LRP2: variants seen among roughly 807,000 people sequenced by gnomAD.
LRP2 encodes low-density lipoprotein receptor-related protein 2.
Under a neutral mutation model 531.0 loss-of-function variants are expected in LRP2, and 172 were observed. That is an observed-to-expected ratio of 0.32 (90% CI 0.29 to 0.37). The LOEUF (loss-of-function observed/expected upper bound fraction) is 0.37, where lower values mean the gene tolerates loss of function less well. Among genes scored for constraint, LRP2 ranks in the 10% least tolerant of loss-of-function variants. LRP2 has a pLI of 1.00. For synonymous variants in LRP2, 1,992 were observed against 2,027.6 expected, an observed-to-expected ratio of 0.98 and a Z score of 0.47; for missense variants, 5,167 against 5,868.3, an observed-to-expected ratio of 0.88 and a Z score of 3.90.
chr2:169,145,759 A>G lies in LRP2; in HGVS notation c.12976T>C (p.Tyr4326His). Reference protein sequence around the residue: ...TQVRIFHQLRYNKSVPNLCKQ... With the variant: ...TQVRIFHQLRHNKSVPNLCKQ... The stretch of plus-strand genomic sequence containing the variant: ...AGTTGGTGATTACCTGACTTATTGT[A>G]TCTGAGTTGATGAAAGATTCGAACT... Residue 4326 changes from tyrosine to histidine, a missense_variant, in exon 70 of 79, where the codon TAC (tyrosine) becomes CAC (histidine). This residue lies in a region of LRP2 where 564 missense variants were observed against 747.7 expected (regional missense o/e 0.75). Coordinates refer to ENST00000649046, the MANE Select transcript of LRP2 (RefSeq NM_004525.3). 2 of 1,614,156 alleles carry G rather than the reference A, an allele frequency of 1.2e-6. No homozygotes were observed. The highest frequency in any genetic ancestry group is 1.1e-5 in the South Asian group (1 of 91,078).
intron 52 of LRP2, among the ~76,000 whole-genome samples, chr2:169,178,374 C>T (rs1315358605): frequency 6.6e-6 from 1 of 152,164 alleles, no homozygotes; most frequent in Non-Finnish European, 1.5e-5. Context: ...ATTAAGCACC[C>T]TTTTGATATC....
chr2:169,146,249 G>A (rs1685905930), intron 69 of LRP2, among the ~76,000 whole-genome samples: 1 of 152,080 alleles, frequency 6.6e-6, no homozygotes, highest in African/African-American at 2.4e-5. Context: ...GTTTTCTTTT[G>A]AACATAAGAC....
Position 169,165,839 on chromosome 2 carries a change from A to G in LRP2, c.11758+93T>C, listed in dbSNP as rs1020902365. ...GATCTGCAGTCATGGGCACAACTCT[A>G]TAGAACAAACTGAAATCCCAGAGGC... On this transcript the variant is annotated intron_variant, in intron 62 of 78. Coordinates refer to ENST00000649046, the MANE Select transcript of LRP2 (RefSeq NM_004525.3). 1.0e-5 allele frequency: 15 copies of G among 1,496,850 alleles called. No homozygotes were observed. In the East Asian group the frequency reaches 2.5e-4, roughly 25 times the overall value. The allele number at this position is 1,496,850 out of a possible 1,614,324, so 92.7% of individuals were successfully genotyped here.
chr2:169,327,911 C>A (rs867394822), intron 1 of LRP2, among the ~76,000 whole-genome samples: 340 of 72,812 alleles, frequency 4.7e-3, no homozygotes, highest in Middle Eastern at 0.01. Flanking sequence ...GCCCGGCCAG[C>A]CGCCCCGTCC....
chr2:169,257,012 C>T (rs774007015), intron 18 of LRP2, 112 bp downstream of exon 18: 27 of 1,219,148 alleles, frequency 2.2e-5, no homozygotes, highest in East Asian at 7.1e-5. Flanking sequence ...TTTAAAATTC[C>T]GCGAGGGCAA....
At chr2:169,351,921 G>A (rs140366957) in intron 1 of LRP2, among the ~76,000 whole-genome samples, 60 of 152,280 alleles carry the variant, frequency 3.9e-4, no homozygotes, top group African/African-American at 1.4e-3. Context: ...TAAAATATAA[G>A]CTGAGGAAGT....
rs869084371 is a variant in LRP2, at chr2:169,338,359, GGAAAGAAAGAAAGAAA to G, written c.80-17491_80-17476del. 5.2e-3 allele frequency among the ~76,000 whole-genome samples: 396 copies of G among 76,632 alleles called. 2 individuals are homozygous for G. Among genetic ancestry groups the G allele is most frequent in the African/African-American group, 0.018 (326 of 18,208 alleles). The allele number at this position is 76,632 out of a possible 152,430, so 50.3% of individuals were successfully genotyped here. ...GAGAAAGAAAGAAGGAAAGAAAGAA[GGAAAGAAAGAAAGAAA>G]GAAAGAAAGAAAGAAAGAAAGAAAG... is the stretch of plus-strand genomic sequence containing the variant. On this transcript the variant is annotated intron_variant, in intron 1 of 78. Transcript: ENST00000649046.
At chr2:169,193,998 C>T in intron 46 of LRP2, 106 bp from the exon 47 acceptor site, 1 of 1,253,722 alleles carries the variant, frequency 8.0e-7, no homozygotes, top group Non-Finnish European at 1.2e-6. Flanking sequence ...TGAAACAGAG[C>T]ATTATTTAAT....
chr2:169,160,682 T>TAAAAAAAAAAAAAAAAA (rs781574242), intron 63 of LRP2, among the ~76,000 whole-genome samples: 1 of 52,818 alleles, frequency 1.9e-5, no homozygotes, highest in African/African-American at 9.5e-5. Flanking sequence ...CTTATTTCCT[T>TAAAAAAAAAAAAAAAAA]AAAAAAAAAA....
At chr2:169,205,380 G>C (rs1688340460) in intron 41 of LRP2, 99 bp downstream of exon 41, 3 of 1,284,494 alleles carry the variant, frequency 2.3e-6, no homozygotes, top group Non-Finnish European at 3.4e-6. Flanking sequence ...ATGTCTATCT[G>C]GCATGCTATA....
chr2:169,176,363 T>C, intron 54 of LRP2, 48 bp downstream of exon 54: 1 of 1,610,190 alleles, frequency 6.2e-7, no homozygotes, highest in South Asian at 1.1e-5. Context: ...GGTCAATGTC[T>C]GTCCACGGGC....
intron 40 of LRP2, 75 bp from the exon 41 acceptor site, chr2:169,205,712 T>A: frequency 3.0e-6 from 4 of 1,320,022 alleles, no homozygotes; most frequent in Non-Finnish European, 3.3e-6. Flanking sequence ...AAAAGGACAA[T>A]ATTCTTTAAT....
chr2:169,272,950 T>A lies in LRP2; in HGVS notation c.2093A>T (p.Asp698Val). Residue 698 changes from aspartate (D) to valine (V), a missense_variant, in exon 15 of 79, where the codon GAT (aspartate) becomes GTT (valine). Coordinates refer to ENST00000649046, the MANE Select transcript of LRP2 (RefSeq NM_004525.3). ...ACCAATGCAGTGGCGCTCATCTGTA[T>A]CCAGTTGGAAGCCGAATGTGCACTT... ...RCKCTFGFQLDTDERHCIAVQ... is the reference protein window; with the variant it reads ...RCKCTFGFQLVTDERHCIAVQ... 1 of 1,613,708 alleles carries A rather than the reference T, an allele frequency of 6.2e-7. No individual in the cohort carries two copies. The highest frequency in any genetic ancestry group is 8.5e-7 in the Non-Finnish European group (1 of 1,179,742).
intron 77 of LRP2, 147 bp downstream of exon 77, chr2:169,132,427 T>G (rs1254914282): frequency 6.4e-6 from 4 of 629,648 alleles, no homozygotes; most frequent in African/African-American, 1.9e-5. Flanking sequence ...CTATGACTTT[T>G]TAAAAAATTA....
chr2:169,191,668 G>C (rs1559006312), intron 48 of LRP2, among the ~76,000 whole-genome samples, 164 bp downstream of exon 48: 1 of 151,664 alleles, frequency 6.6e-6, no homozygotes, highest in Non-Finnish European at 1.5e-5. Flanking sequence ...TGATGTAAAA[G>C]TTTTTTTTCC....
intron 44 of LRP2, among the ~76,000 whole-genome samples, chr2:169,199,221 C>T (rs1009248740): frequency 6.6e-6 from 1 of 152,178 alleles, no homozygotes; most frequent in Admixed American, 6.5e-5. Flanking sequence ...GGCATTTCCA[C>T]ACAATGGAGT....
intron 6 of LRP2, among the ~76,000 whole-genome samples, chr2:169,292,622 A>G (rs1364803584): frequency 6.6e-6 from 1 of 152,136 alleles, no homozygotes; most frequent in East Asian, 1.9e-4. Flanking sequence ...AAATTAGATC[A>G]GCCTGGGCAA....
intron 48 of LRP2, 68 bp downstream of exon 48, chr2:169,191,764 T>C: frequency 7.3e-7 from 1 of 1,377,076 alleles, no homozygotes. Flanking sequence ...GGGTGCCTGA[T>C]AGGTAAGTGA....
chr2:169,238,034 A>T, intron 27 of LRP2, 57 bp downstream of exon 27: 1 of 1,481,844 alleles, frequency 6.7e-7, no homozygotes, highest in Non-Finnish European at 9.4e-7. Flanking sequence ...GAATAACAGC[A>T]AACAGACCCA....
Sources: allele counts gnomAD v4.1 joint callset (sites outside exome capture counted in the v4.1 genomes callset), GRCh38; gene constraint gnomAD v4.1.1; regional missense constraint gnomAD v4.1.1; transcripts MANE v1.5; gene names NCBI Gene and HGNC (gene_info 2026-07-23, HGNC 2026-07-21).